The following MAOB variants were observed in gnomAD, a reference collection of about 807,000 sequenced individuals.
The protein encoded by MAOB is amine oxidase [flavin-containing] B.
A neutral mutation model predicts 41.9 loss-of-function variants in MAOB; 15 were observed. That is an observed-to-expected ratio of 0.36 (90% confidence interval 0.24 to 0.55). MAOB has a LOEUF of 0.55. Ranked by LOEUF, MAOB falls within the 20% of genes least tolerant of loss-of-function variation. The probability of loss-of-function intolerance (pLI) is 0.86; values close to 1 mark genes in which losing one functional copy is unlikely to be tolerated. For synonymous variants in MAOB, 167 were observed against 144.2 expected (o/e 1.16, Z -1.13); for missense variants, 345 against 398.7 (o/e 0.87, Z 1.15).
chrX:43,812,605 G>A (rs2034762223), intron 3 of MAOB, among the ~76,000 whole-genome samples: 2 of 112,672 alleles, frequency 1.8e-5, no homozygotes, highest in African/African-American at 6.5e-5. Context: ...CTTTTCATAT[G>A]TCTATTTGCC....
At chrX:43,836,809 A>G (rs930501109) in intron 3 of MAOB, among the ~76,000 whole-genome samples, 39 of 112,540 alleles carry the variant, frequency 3.5e-4, no homozygotes, top group African/African-American at 1.1e-3. Flanking sequence ...TTTAAATATA[A>G]AGAGCATTAT....
intron 12 of MAOB, among the ~76,000 whole-genome samples, chrX:43,770,766 T>TTTATC (rs765860490): frequency 8.9e-6 from 1 of 111,823 alleles, no homozygotes; most frequent in East Asian, 2.8e-4. Flanking sequence ...AGTCTCTATT[T>TTTATC]TTATCTTATA....
chrX:43,816,676 A>G (rs2056913), intron 3 of MAOB, among the ~76,000 whole-genome samples: 1,719 of 112,266 alleles, frequency 0.015, 29 homozygotes, highest in African/African-American at 0.053. Context: ...CCATATCACT[A>G]GACAAGGTAA....
intron 1 of MAOB, among the ~76,000 whole-genome samples, chrX:43,855,047 G>T (rs1227361151): frequency 9.0e-6 from 1 of 110,985 alleles, no homozygotes; most frequent in African/African-American, 3.3e-5. Flanking sequence ...GTTCCATCCT[G>T]CCAGCTCAGA....
intron 12 of MAOB, among the ~76,000 whole-genome samples, chrX:43,774,876 G>C (rs1228400453): frequency 9.0e-6 from 1 of 111,377 alleles, no homozygotes; most frequent in East Asian, 2.8e-4. Flanking sequence ...CATGCAATGC[G>C]TAATAATCAT....
At chrX:43,811,216 C>T (rs2147144786) in intron 3 of MAOB, among the ~76,000 whole-genome samples, 1 of 111,493 alleles carries the variant, frequency 9.0e-6, no homozygotes, top group Admixed American at 9.5e-5. Flanking sequence ...TCCTTCTCCC[C>T]TTCTTACCTC....
intron 1 of MAOB, among the ~76,000 whole-genome samples, chrX:43,865,785 CTT>C (rs1167310007): frequency 1.2e-4 from 11 of 94,251 alleles, no homozygotes; most frequent in Admixed American, 2.4e-4. Flanking sequence ...TGCCCAAAAG[CTT>C]TTTTTTTTTT....
intron 3 of MAOB, among the ~76,000 whole-genome samples, chrX:43,813,875 T>A (rs1337472600): frequency 9.0e-6 from 1 of 111,163 alleles, no homozygotes; most frequent in Non-Finnish European, 1.9e-5. Flanking sequence ...ACAAAATAGA[T>A]AAGAAAATCA....
intron 14 of MAOB, among the ~76,000 whole-genome samples, chrX:43,767,945 C>T (rs1260430229): frequency 8.9e-6 from 1 of 112,151 alleles, no homozygotes; most frequent in African/African-American, 3.2e-5. Context: ...TGCTGCTGTG[C>T]CTTTGCCACA....
At chrX:43,781,571 A>G (rs984614219) in intron 8 of MAOB, 27 bp from the exon 9 acceptor site, 3 of 840,025 alleles carry the variant, frequency 3.6e-6, no homozygotes, top group African/African-American at 2.0e-5. Flanking sequence ...ATGGAAGAGC[A>G]TATTCATCAC....
intron 1 of MAOB, among the ~76,000 whole-genome samples, chrX:43,864,081 G>A (rs894536277): frequency 9.0e-6 from 1 of 111,269 alleles, no homozygotes; most frequent in African/African-American, 3.3e-5. Context: ...CATCAATTAA[G>A]GGACTGAACT....
At chrX:43,837,350 G>C (rs760862257) in intron 3 of MAOB, among the ~76,000 whole-genome samples, 30 of 112,256 alleles carry the variant, frequency 2.7e-4, no homozygotes, top group African/African-American at 9.7e-4. Context: ...AAGGTGGAAA[G>C]GCTTATAAAA....
chrX:43,821,952 C>A (rs763924540), intron 3 of MAOB, among the ~76,000 whole-genome samples: 1 of 112,066 alleles, frequency 8.9e-6, no homozygotes, highest in Non-Finnish European at 1.9e-5. Flanking sequence ...AAATTACATG[C>A]CCAAGGTCCA....
intron 1 of MAOB, among the ~76,000 whole-genome samples, chrX:43,851,063 A>C (rs770173425): frequency 7.9e-4 from 89 of 112,196 alleles, no homozygotes; most frequent in Non-Finnish European, 1.0e-3. Flanking sequence ...TCTTTTATGT[A>C]TTGTAATCGT....
At chrX:43,798,893 G>C (rs1016164893) in intron 5 of MAOB, among the ~76,000 whole-genome samples, 1 of 111,494 alleles carries the variant, frequency 9.0e-6, no homozygotes, top group Non-Finnish European at 1.9e-5. Flanking sequence ...TCACATGCTA[G>C]AAAACGGAGT....
chrX:43,821,310 C>T (rs1323983245), intron 3 of MAOB, among the ~76,000 whole-genome samples: 1 of 111,116 alleles, frequency 9.0e-6, no homozygotes, highest in Non-Finnish European at 1.9e-5. Context: ...GGAAGGTACT[C>T]GTTTAATTGC....
intron 3 of MAOB, among the ~76,000 whole-genome samples, chrX:43,821,268 C>T (rs746629650): frequency 1.2e-4 from 13 of 111,075 alleles, no homozygotes; most frequent in African/African-American, 3.9e-4. Flanking sequence ...AAAATCCATC[C>T]CCAAATGCTT....
chrX:43,840,752 T>C (rs2035125745), intron 2 of MAOB, among the ~76,000 whole-genome samples: 1 of 110,918 alleles, frequency 9.0e-6, no homozygotes, highest in African/African-American at 3.3e-5. Context: ...AACAGTGCAT[T>C]CTGGCCCAGA....
intron 3 of MAOB, among the ~76,000 whole-genome samples, chrX:43,814,382 CT>C (rs978266296): frequency 3.0e-4 from 34 of 111,964 alleles, no homozygotes; most frequent in African/African-American, 1.0e-3. Context: ...TCCTCAAAGG[CT>C]TTTTATTTTC....
Sources: allele counts gnomAD v4.1 joint callset (sites outside exome capture counted in the v4.1 genomes callset), GRCh38; gene constraint gnomAD v4.1.1; transcripts MANE v1.5; gene names NCBI Gene and HGNC (gene_info 2026-07-23, HGNC 2026-07-21).